The following KLF7 variants were observed in gnomAD, a reference collection of about 807,000 sequenced individuals.
KLF7 encodes Krueppel-like factor 7.
KLF7 carries 2 observed loss-of-function variants against 27.3 expected under a neutral mutation model. The ratio of observed to expected loss-of-function variants is 0.07; its 90% CI spans 0.03 to 0.23. The LOEUF (loss-of-function observed/expected upper bound fraction) is 0.23. KLF7 is among the 10% of genes least tolerant of loss of function. KLF7 has a pLI of 1.00. For missense variants in KLF7, 221 were observed against 394.1 expected, an observed-to-expected ratio of 0.56 and a Z score of 3.72; for synonymous variants, 165 against 162.4, an observed-to-expected ratio of 1.02 and a Z score of -0.12.
At position 207,107,914 on chromosome 2, in the gene KLF7, G is replaced by A. The variant is rs117020050; in HGVS notation, c.733+15860C>T. Among the ~76,000 whole-genome samples the A allele has an allele frequency of 7.0e-4, 107 of 152,348 alleles. 2 individuals carry two copies. The East Asian group carries it at 0.019, about 27-fold the overall frequency. ...AGACCTATGTTTGCACAACGTGATTGTGTTTACACAAAGATTTAACGCCTC... is the reference window on the plus strand; with the variant it reads ...AGACCTATGTTTGCACAACGTGATTATGTTTACACAAAGATTTAACGCCTC... On this transcript the variant is annotated intron_variant, in intron 2 of 3. Transcript: ENST00000309446.
At chr2:207,152,145 T>C (rs2078263553) in intron 1 of KLF7, among the ~76,000 whole-genome samples, 1 of 152,118 alleles carries the variant, frequency 6.6e-6, no homozygotes. Flanking sequence ...CATCACTTCC[T>C]CAGTGAAACA....
Position 207,080,263 on chromosome 2 carries a change from C to T in KLF7, c.*950G>A, listed in dbSNP as rs2076244847. On this transcript the variant is annotated 3_prime_UTR_variant, in exon 4 of 4. Coordinates refer to ENST00000309446, the MANE Select transcript of KLF7 (RefSeq NM_003709.4). ...AGAAAAGATAAAACATTTAAGCTTC[C>T]AAATAAGCTTTTCAAGTTTTCGTTA... The T allele has an allele frequency of 6.6e-6, 1 of 152,064 alleles. No individual in the cohort carries two copies. Among genetic ancestry groups the T allele is most frequent in the African/African-American group, 2.4e-5 (1 of 41,388 alleles). 9.4% of individuals were successfully genotyped at this position (152,064 alleles called of 1,614,324 possible). A position where few individuals can be genotyped will look rare whatever the true frequency, so the allele number is the denominator to read the frequency against.
At chr2:207,126,106 C>T (rs1276548982) in intron 1 of KLF7, among the ~76,000 whole-genome samples, 1 of 152,114 alleles carries the variant, frequency 6.6e-6, no homozygotes. Context: ...CATTAGAAAC[C>T]AGTATGATGA....
chr2:207,108,582 G>A (rs966389066), intron 2 of KLF7, among the ~76,000 whole-genome samples: 1 of 152,124 alleles, frequency 6.6e-6, no homozygotes, highest in Non-Finnish European at 1.5e-5. Flanking sequence ...TAATATAAAT[G>A]CCCATCACTC....
chr2:207,124,329 A>C lies in KLF7; in HGVS notation c.178T>G (p.Cys60Gly). The C allele has an allele frequency of 6.2e-7, 1 of 1,608,292 alleles. No homozygotes were observed. Among genetic ancestry groups the C allele is most frequent in the Non-Finnish European group, 8.5e-7 (1 of 1,175,284 alleles). ...GGGGGAGGGGAAGCGTGGAGGAAAC[A>C]GTCCAAGTCCTCACCAAAGGTCTCT... ...ISETFGEDLD[C>G]FLHASPPPCI... The change falls in exon 2 of 4, where the codon TGT becomes GGT. Residue 60 changes from cysteine (C) to glycine (G), a missense_variant. Physicochemically the swap from Cys to Gly is radical, Grantham distance 159. Coordinates refer to ENST00000309446, the MANE Select transcript of KLF7 (RefSeq NM_003709.4).
chr2:207,151,200 G>A (rs13403848), intron 1 of KLF7, among the ~76,000 whole-genome samples: 21,471 of 152,010 alleles, frequency 0.14, 1,780 homozygotes, highest in Middle Eastern at 0.21. Flanking sequence ...TCAACACTGC[G>A]CTTATGAAGC....
chr2:207,133,984 T>C, intron 1 of KLF7: 1 of 1,035,750 alleles, frequency 9.7e-7, no homozygotes, highest in Non-Finnish European at 1.4e-6. Flanking sequence ...CAGCCCGCTC[T>C]TATGCACCCC....
chr2:207,168,020 T>G (rs1219699933), upstream of KLF7, among the ~76,000 whole-genome samples: 2 of 152,166 alleles, frequency 1.3e-5, no homozygotes, highest in African/African-American at 4.8e-5. Context: ...TCTCCCCTTC[T>G]CCATGCTCTC....
chr2:207,168,624 T>C (rs539031921), upstream of KLF7, among the ~76,000 whole-genome samples: 5 of 152,332 alleles, frequency 3.3e-5, no homozygotes, highest in East Asian at 9.6e-4. Flanking sequence ...ACTTTTCCTA[T>C]GTAACTATCA....
chr2:207,119,914 G>A (rs77101608), intron 2 of KLF7, among the ~76,000 whole-genome samples: 5,970 of 152,180 alleles, frequency 0.039, 387 homozygotes, highest in African/African-American at 0.14. Flanking sequence ...GGCTGGTCTC[G>A]AACTCCTGAC....
intron 1 of KLF7, among the ~76,000 whole-genome samples, chr2:207,124,651 T>G (rs2077432892): frequency 6.6e-6 from 1 of 152,200 alleles, no homozygotes; most frequent in Admixed American, 6.5e-5. Context: ...AAGGACTATC[T>G]CATACCTTCG....
rs755665580 is a variant in KLF7, at chr2:207,075,845, G to C, written c.*5368C>G. On this transcript the variant is annotated 3_prime_UTR_variant, in exon 4 of 4. Transcript: ENST00000309446. ...ATTAAACTAAGTCTGGGTTTAGATA[G>C]GAAATGCATGCTGGGAAGAAAAAAC... 6.6e-6 allele frequency: 1 copy of C among 152,126 alleles called. No individual in the cohort carries two copies. The highest frequency in any genetic ancestry group is 2.4e-5 in the African/African-American group (1 of 41,402). 9.4% of individuals were successfully genotyped at this position (152,126 alleles called of 1,614,324 possible). A position where few individuals can be genotyped will look rare whatever the true frequency, so the allele number is the denominator to read the frequency against.
chr2:207,135,898 T>C (rs1299881878), intron 1 of KLF7, among the ~76,000 whole-genome samples: 3 of 152,086 alleles, frequency 2.0e-5, no homozygotes, highest in Admixed American at 6.5e-5. Context: ...CTTCACGGGG[T>C]AGCCCTGAGA....
At chr2:207,093,143 C>T (rs554717822) in intron 2 of KLF7, among the ~76,000 whole-genome samples, 8 of 152,338 alleles carry the variant, frequency 5.3e-5, no homozygotes, top group African/African-American at 1.9e-4. Flanking sequence ...GTCTCTTTGA[C>T]ATCCACTGGA....
intron 2 of KLF7, among the ~76,000 whole-genome samples, chr2:207,096,208 AG>A (rs1188154820): frequency 6.6e-6 from 1 of 152,214 alleles, no homozygotes; most frequent in Admixed American, 6.5e-5. Context: ...TCAGTAAACA[AG>A]TCCAAGTACT....
the KLF7 span, among the ~76,000 whole-genome samples, chr2:207,173,112 CAT>C: frequency 6.6e-6 from 1 of 151,788 alleles, no homozygotes; most frequent in Non-Finnish European, 1.5e-5. Context: ...GCCTGAGAAA[CAT>C]GGTTTGAATT....
At chr2:207,119,930 G>A (rs1291986764) in intron 2 of KLF7, among the ~76,000 whole-genome samples, 2 of 152,166 alleles carry the variant, frequency 1.3e-5, no homozygotes, top group African/African-American at 4.8e-5. Flanking sequence ...CTGACCTCAG[G>A]TGATCCACCT....
intron 2 of KLF7, among the ~76,000 whole-genome samples, chr2:207,112,710 A>C (rs555030491): frequency 1.2e-4 from 19 of 152,372 alleles, no homozygotes; most frequent in Admixed American, 1.2e-3. Context: ...CTTCTAAAGA[A>C]TCTTCCTTGT....
At chr2:207,083,338 C>T (rs191427564) in intron 3 of KLF7, among the ~76,000 whole-genome samples, 11 of 152,322 alleles carry the variant, frequency 7.2e-5, no homozygotes, top group African/African-American at 2.6e-4. Flanking sequence ...TTCTTTTTCT[C>T]TCTTTCCCTC....
Sources: allele counts gnomAD v4.1 joint callset (sites outside exome capture counted in the v4.1 genomes callset), GRCh38; gene constraint gnomAD v4.1.1; transcripts MANE v1.5; gene names NCBI Gene and HGNC (gene_info 2026-07-23, HGNC 2026-07-21).